Variants in CA10 observed in about 807,000 individuals in gnomAD.
CA10 encodes the protein carbonic anhydrase-related protein 10.
In CA10, 14 loss-of-function variants were observed where a neutral mutation model predicts 44.2. The observed-to-expected ratio is 0.32, with a 90% CI of 0.21 to 0.50. CA10 has a LOEUF of 0.50. Among genes scored for constraint, CA10 ranks in the 20% least tolerant of loss-of-function variants. CA10 has a pLI of 0.99. For missense variants in CA10, 350 were observed against 409.7 expected (o/e 0.85, Z 1.26); for synonymous variants, 159 against 141.6 (o/e 1.12, Z -0.87).
chr17:52,060,156 G>A (rs1395993673), intron 2 of CA10, among the ~76,000 whole-genome samples: 1 of 151,958 alleles, frequency 6.6e-6, no homozygotes, highest in African/African-American at 2.4e-5. Flanking sequence ...CTATCTCCAG[G>A]GAACCTTTCC....
intron 4 of CA10, among the ~76,000 whole-genome samples, chr17:51,705,278 C>T (rs965854703): frequency 1.3e-5 from 2 of 152,312 alleles, no homozygotes; most frequent in East Asian, 1.9e-4. Flanking sequence ...TCTTCAGGGA[C>T]ACTTTCTCTC....
At chr17:52,020,901 A>T (rs1986117993) in intron 2 of CA10, among the ~76,000 whole-genome samples, 1 of 151,904 alleles carries the variant, frequency 6.6e-6, no homozygotes, top group Non-Finnish European at 1.5e-5. Flanking sequence ...TACATGTAGT[A>T]TTTGGGTTTC....
At chr17:51,993,600 T>G (rs187567418) in intron 2 of CA10, among the ~76,000 whole-genome samples, 2 of 152,244 alleles carry the variant, frequency 1.3e-5, no homozygotes, top group East Asian at 1.9e-4. Context: ...AGAAAAATTC[T>G]AATTATTTAT....
chr17:51,682,485 C>T (rs1438828988), intron 4 of CA10, among the ~76,000 whole-genome samples: 1 of 152,158 alleles, frequency 6.6e-6, no homozygotes, highest in Admixed American at 6.5e-5. Flanking sequence ...TTTTATAAAT[C>T]AGCAGGTAAG....
Position 51,838,416 on chromosome 17 carries a change from C to T in CA10, c.280-90598G>A, listed in dbSNP as rs938752330. On this transcript the variant is annotated intron_variant, in intron 3 of 8. Coordinates refer to ENST00000451037, the MANE Select transcript of CA10 (RefSeq NM_020178.5). ...AATCAACACACATTTGCCTCCAACC[C>T]CCCACCTCCATGAAAATGTGGTTCT... is the stretch of plus-strand genomic sequence containing the variant. 4.6e-5 allele frequency among the ~76,000 whole-genome samples: 7 copies of T among 152,186 alleles called. No homozygotes were observed. The South Asian group carries it at 8.3e-4, about 18-fold the overall frequency.
At chr17:51,669,830 A>G (rs1281484348) in intron 4 of CA10, among the ~76,000 whole-genome samples, 1 of 152,220 alleles carries the variant, frequency 6.6e-6, no homozygotes, top group Non-Finnish European at 1.5e-5. Context: ...CAGCAAGACC[A>G]AGAACCCGCC....
At chr17:51,901,986 A>C (rs550767016) in intron 3 of CA10, among the ~76,000 whole-genome samples, 1 of 152,302 alleles carries the variant, frequency 6.6e-6, no homozygotes, top group African/African-American at 2.4e-5. Flanking sequence ...AAAAACCTGG[A>C]AAGAAATACA....
chr17:51,833,319 T>C (rs1427533806), intron 3 of CA10, among the ~76,000 whole-genome samples: 2 of 152,174 alleles, frequency 1.3e-5, no homozygotes, highest in Non-Finnish European at 2.9e-5. Context: ...TTGTCAACAT[T>C]CTTTCCCTCC....
chr17:51,845,994 G>A (rs1484036191), intron 3 of CA10, among the ~76,000 whole-genome samples: 1 of 151,656 alleles, frequency 6.6e-6, no homozygotes, highest in Non-Finnish European at 1.5e-5. Context: ...GTGAACAGCT[G>A]GTCTCTGGTC....
At chr17:52,038,625 G>A (rs1986683123) in intron 2 of CA10, among the ~76,000 whole-genome samples, 1 of 152,116 alleles carries the variant, frequency 6.6e-6, no homozygotes, top group South Asian at 2.1e-4. Context: ...ATAAAGGAGA[G>A]AAATCAGATC....
intron 3 of CA10, among the ~76,000 whole-genome samples, chr17:51,863,667 C>T (rs1285875641): frequency 6.6e-6 from 1 of 152,112 alleles, no homozygotes; most frequent in East Asian, 1.9e-4. Flanking sequence ...CCCACGGACA[C>T]CCTCAGGTTT....
At chr17:51,656,211 C>G (rs1021099872) in intron 4 of CA10, among the ~76,000 whole-genome samples, 15 of 152,198 alleles carry the variant, frequency 9.9e-5, no homozygotes, top group Admixed American at 7.9e-4. Context: ...AAAGCATGTT[C>G]TGAACAGAGG....
chr17:51,805,904 T>C (rs886581799), intron 3 of CA10, among the ~76,000 whole-genome samples: 19 of 152,032 alleles, frequency 1.2e-4, no homozygotes, highest in Non-Finnish European at 2.4e-4. Flanking sequence ...AAGACAGTGG[T>C]GAAGTTAGAT....
chr17:51,896,895 G>C (rs1357642556), intron 3 of CA10, among the ~76,000 whole-genome samples: 1 of 151,934 alleles, frequency 6.6e-6, no homozygotes, highest in African/African-American at 2.4e-5. Context: ...TTTGAAAAGT[G>C]TCTGTCCATG....
At chr17:52,111,265 G>A (rs1158901540) in intron 1 of CA10, among the ~76,000 whole-genome samples, 3 of 152,120 alleles carry the variant, frequency 2.0e-5, no homozygotes, top group Non-Finnish European at 4.4e-5. Flanking sequence ...ATTTTCTGGT[G>A]CTAATTACAC....
At chr17:51,842,366 T>G (rs1199562699) in intron 3 of CA10, among the ~76,000 whole-genome samples, 4 of 152,178 alleles carry the variant, frequency 2.6e-5, no homozygotes, top group Non-Finnish European at 5.9e-5. Flanking sequence ...GACACAATTA[T>G]AGAGAAAATC....
intron 8 of CA10, among the ~76,000 whole-genome samples, chr17:51,632,533 A>G (rs373860736): frequency 1.3e-5 from 2 of 152,158 alleles, no homozygotes; most frequent in East Asian, 1.9e-4. Flanking sequence ...CAGCCCTCCT[A>G]TTTGGGGAGC....
Position 52,157,743 on chromosome 17 carries a change from A to C in CA10, c.44T>G (p.Phe15Cys). 1 of 1,614,086 alleles carries C rather than the reference A, an allele frequency of 6.2e-7. No homozygotes were observed. Among genetic ancestry groups the C allele is most frequent in the Non-Finnish European group, 8.5e-7 (1 of 1,179,948 alleles). ...TCCCGTACCTGATATGCAGACGATG[A>C]AATTGGCTTGAAGAAGAAAAAGCAC... ...WEVLFLLQANFIVCISAQQNS... is the reference protein window; with the variant it reads ...WEVLFLLQANCIVCISAQQNS... Residue 15 changes from phenylalanine to cysteine, a missense_variant, in exon 1 of 9, where the codon TTC (phenylalanine) becomes TGC (cysteine). Transcript: ENST00000451037.
rs1162359851 is a variant in CA10 at position 51,777,132 on chromosome 17, T to C, written c.280-29314A>G. 2.0e-5 allele frequency among the ~76,000 whole-genome samples: 3 copies of C among 152,240 alleles called. No homozygotes were observed. The East Asian group carries it at 5.8e-4, about 29-fold the overall frequency. ...AAATCAAATATGATTTGTAGGTTTC[T>C]GGCTTACAATTGTGTGAATAGTAGT... On this transcript the variant is annotated intron_variant, in intron 3 of 8. Coordinates refer to ENST00000451037, the MANE Select transcript of CA10 (RefSeq NM_020178.5).
Sources: allele counts gnomAD v4.1 joint callset (sites outside exome capture counted in the v4.1 genomes callset), GRCh38; gene constraint gnomAD v4.1.1; transcripts MANE v1.5; gene names NCBI Gene and HGNC (gene_info 2026-07-23, HGNC 2026-07-21).